The following RBFOX1 variants were observed in gnomAD, a reference collection of about 807,000 sequenced individuals.
RBFOX1 encodes RNA binding fox-1 homolog 1, also known as RNA binding protein fox-1 homolog 1.
Under a neutral mutation model 57.7 loss-of-function variants are expected in RBFOX1, and 8 were observed. That is an observed-to-expected ratio of 0.14 (90% CI 0.08 to 0.25). The LOEUF (loss-of-function observed/expected upper bound fraction) is 0.25. Among genes scored for constraint, RBFOX1 ranks in the 10% least tolerant of loss-of-function variants. The probability of loss-of-function intolerance (pLI) is 1.00; values close to 1 mark genes in which losing one functional copy is unlikely to be tolerated. For synonymous variants in RBFOX1, 326 were observed against 222.4 expected (o/e 1.47, Z -4.15); for missense variants, 611 against 548.5 (o/e 1.11, Z -1.14).
chr16:6,358,513 C>G (rs1039736541), intron 2 of RBFOX1, among the ~76,000 whole-genome samples: 2 of 152,172 alleles, frequency 1.3e-5, no homozygotes, highest in Non-Finnish European at 2.9e-5. Flanking sequence ...AAAGATCCAG[C>G]TGAAGAGTCT....
At chr16:5,944,987 A>AAAAAGAG (rs1555453186) in intron 4 of RBFOX1, among the ~76,000 whole-genome samples, 3 of 96,996 alleles carry the variant, frequency 3.1e-5, no homozygotes, top group Non-Finnish European at 6.5e-5. Flanking sequence ...AAAAAAAAAA[A>AAAAAGAG]AGAGAGAGAG....
intron 4 of RBFOX1, among the ~76,000 whole-genome samples, chr16:7,266,449 C>T (rs987559000): frequency 1.3e-5 from 2 of 152,204 alleles, no homozygotes; most frequent in African/African-American, 4.8e-5. Context: ...GCTATAAAGC[C>T]AGTGGAACTG....
At chr16:6,225,120 A>C (rs752103631) in intron 1 of RBFOX1, among the ~76,000 whole-genome samples, 1 of 151,976 alleles carries the variant, frequency 6.6e-6, no homozygotes, top group African/African-American at 2.4e-5. Flanking sequence ...GATGGACTAC[A>C]AGAGAGGTAG....
chr16:5,573,441 A>T (rs2046351490), intron 2 of RBFOX1, among the ~76,000 whole-genome samples: 2 of 152,132 alleles, frequency 1.3e-5, no homozygotes, highest in African/African-American at 4.8e-5. Flanking sequence ...ACCTGAATAT[A>T]CTGGATTGGA....
rs369573672 is a variant in RBFOX1, at chr16:6,839,264, C to A, written c.-16+184614C>A. Among the ~76,000 whole-genome samples the A allele has an allele frequency of 5.9e-5, 9 of 152,244 alleles. No individual in the cohort carries two copies. In the South Asian group the frequency reaches 1.9e-3, roughly 32 times the overall value. On this transcript the variant is annotated intron_variant, in intron 3 of 15. Transcript: ENST00000550418. ...CCCCCCAAAGTGCTGGGATTACAGG[C>A]AAGAGCCACTGTGCCCGGCACATCA... is the stretch of plus-strand genomic sequence containing the variant.
intron 2 of RBFOX1, among the ~76,000 whole-genome samples, chr16:6,583,990 A>T (rs144646333): frequency 7.1e-6 from 1 of 140,414 alleles, no homozygotes; most frequent in African/African-American, 2.5e-5. Context: ...AATAACAACG[A>T]CAACAACATT....
At chr16:6,763,472 C>T (rs544390317) in intron 3 of RBFOX1, among the ~76,000 whole-genome samples, 4 of 152,288 alleles carry the variant, frequency 2.6e-5, no homozygotes, top group South Asian at 2.1e-4. Flanking sequence ...ATTTCACAAG[C>T]GTAATGGCAG....
chr16:7,075,445 C>T (rs2058116065), intron 4 of RBFOX1, among the ~76,000 whole-genome samples: 1 of 152,028 alleles, frequency 6.6e-6, no homozygotes, highest in African/African-American at 2.4e-5. Flanking sequence ...AAAACAGTTG[C>T]AAGTATTTAA....
intron 2 of RBFOX1, among the ~76,000 whole-genome samples, chr16:6,419,643 G>A (rs1298469380): frequency 6.6e-6 from 1 of 152,162 alleles, no homozygotes; most frequent in Non-Finnish European, 1.5e-5. Context: ...TGGTGTGGTT[G>A]CAGAGGGCCC....
intron 3 of RBFOX1, among the ~76,000 whole-genome samples, chr16:6,919,070 C>G (rs190330049): frequency 6.6e-6 from 1 of 152,154 alleles, no homozygotes; most frequent in Non-Finnish European, 1.5e-5. Context: ...AACCTCCGTT[C>G]TTGGGTTTAA....
At chr16:6,944,743 A>G (rs544372920) in intron 3 of RBFOX1, among the ~76,000 whole-genome samples, 2 of 152,292 alleles carry the variant, frequency 1.3e-5, no homozygotes, top group Admixed American at 1.3e-4. Context: ...ATACATGGAT[A>G]AAGTCCTGTT....
At chr16:6,680,628 A>G (rs948100318) in intron 3 of RBFOX1, among the ~76,000 whole-genome samples, 1 of 152,194 alleles carries the variant, frequency 6.6e-6, no homozygotes, top group Non-Finnish European at 1.5e-5. Context: ...AAATAACAAT[A>G]AAGTTTCAAT....
intron 4 of RBFOX1, among the ~76,000 whole-genome samples, chr16:7,359,030 C>T (rs12051446): frequency 0.47 from 70,933 of 152,068 alleles, 18,795 homozygotes; most frequent in East Asian, 0.88. Context: ...TTTGCTGCCT[C>T]CACCTTCCTT....
At chr16:6,765,610 G>C (rs1415715992) in intron 3 of RBFOX1, among the ~76,000 whole-genome samples, 1 of 152,144 alleles carries the variant, frequency 6.6e-6, no homozygotes, top group Non-Finnish European at 1.5e-5. Flanking sequence ...AGAAGTAAAA[G>C]TAGGTCTACC....
At chr16:5,928,127 T>C in intron 4 of RBFOX1, among the ~76,000 whole-genome samples, 1 of 152,206 alleles carries the variant, frequency 6.6e-6, no homozygotes, top group East Asian at 1.9e-4. Flanking sequence ...AGGGTATTGC[T>C]CTGTCACCCA....
intron 1 of RBFOX1, among the ~76,000 whole-genome samples, chr16:6,174,113 T>A (rs1313169601): frequency 6.6e-6 from 1 of 152,312 alleles, no homozygotes; most frequent in East Asian, 1.9e-4. Context: ...AACAGGTTAC[T>A]GGAGCTGTCT....
intron 5 of RBFOX1, among the ~76,000 whole-genome samples, chr16:7,579,288 C>T (rs2093571575): frequency 6.6e-6 from 1 of 152,166 alleles, no homozygotes; most frequent in Non-Finnish European, 1.5e-5. Context: ...GTTTTATCTG[C>T]ACAATTACCT....
intron 6 of RBFOX1, among the ~76,000 whole-genome samples, chr16:7,585,759 T>A (rs899679684): frequency 2.0e-5 from 3 of 152,314 alleles, no homozygotes; most frequent in African/African-American, 7.2e-5. Flanking sequence ...AGGATAGCTA[T>A]CTGTATGTTC....
chr16:7,540,546 G>T (rs2082642130), intron 5 of RBFOX1, among the ~76,000 whole-genome samples: 2 of 152,158 alleles, frequency 1.3e-5, no homozygotes, highest in South Asian at 4.1e-4. Flanking sequence ...TCTTAGCCTG[G>T]TGCCAGGTTT....
Sources: allele counts gnomAD v4.1 joint callset (sites outside exome capture counted in the v4.1 genomes callset), GRCh38; gene constraint gnomAD v4.1.1; transcripts MANE v1.5; gene names NCBI Gene and HGNC (gene_info 2026-07-23, HGNC 2026-07-21).